The following RAD23B variants were observed in gnomAD, a reference collection of about 807,000 sequenced individuals.
RAD23B encodes the protein RAD23 nucleotide excision repair protein B, also known as lysine-specific demethylase RAD23B.
Under a neutral mutation model 49.1 loss-of-function variants are expected in RAD23B, and 5 were observed. The observed-to-expected ratio is 0.10, with a 90% confidence interval of 0.05 to 0.21. The LOEUF is 0.21. Among genes scored for constraint, RAD23B ranks in the 10% least tolerant of loss-of-function variants. RAD23B has a pLI of 1.00. For synonymous variants in RAD23B, 184 were observed against 165.4 expected, an observed-to-expected ratio of 1.11 and a Z score of -0.86; for missense variants, 356 against 486.7, an observed-to-expected ratio of 0.73 and a Z score of 2.53.
intron 1 of RAD23B, among the ~76,000 whole-genome samples, chr9:107,288,996 T>C (rs1269774770): frequency 6.6e-6 from 1 of 151,798 alleles, no homozygotes; most frequent in Admixed American, 6.6e-5. Context: ...AATCTTTGTT[T>C]CTTTGTCTCT....
At chr9:107,319,007 T>C (rs72738215) in intron 6 of RAD23B, 128 bp downstream of exon 6, 61,893 of 856,824 alleles carry the variant, frequency 0.072, 2,760 homozygotes, top group South Asian at 0.11. Context: ...CTTTTTTTTT[T>C]CTAGTATGTT....
rs1429072198 is a variant in RAD23B, at chr9:107,318,109, T to C, written c.554-643T>C. ...TTTTTCTATTGTACTCTGAAACATA[T>C]TATATGAGTTTCCTGTTGCTACTGT... On this transcript the variant is annotated intron_variant, in intron 5 of 9. Transcript: ENST00000358015. This position sits in a 1 kb window ranked among gnomAD's most constrained non-coding sequence, Gnocchi z 4.3. 1.3e-5 allele frequency among the ~76,000 whole-genome samples: 2 copies of C among 152,126 alleles called. No individual in the cohort carries two copies. The highest frequency in any genetic ancestry group is 2.1e-4 in the South Asian group (1 of 4,830).
At chr9:107,284,181 C>T (rs1208160076) in intron 1 of RAD23B, 8 of 986,518 alleles carry the variant, frequency 8.1e-6, no homozygotes, top group Non-Finnish European at 9.6e-6. Flanking sequence ...CCGTTTGCCG[C>T]CGAGAGGTGA....
chr9:107,298,116 TACAA>T (rs751956188), intron 1 of RAD23B, among the ~76,000 whole-genome samples: 4 of 152,196 alleles, frequency 2.6e-5, no homozygotes, highest in Non-Finnish European at 5.9e-5. Flanking sequence ...TTTGTCCCTC[TACAA>T]ACAAAGTTTG....
chr9:107,331,439 G>T lies in RAD23B; in HGVS notation c.*1783G>T, dbSNP rs1827304103. 4.9e-6 allele frequency: 2 copies of T among 409,832 alleles called. No homozygotes were observed. The allele number at this position is 409,832 out of a possible 1,614,324, so 25.4% of individuals were successfully genotyped here. A position where few individuals can be genotyped will look rare whatever the true frequency, so the allele number is the denominator to read the frequency against. On this transcript the variant is annotated 3_prime_UTR_variant, in exon 10 of 10. Coordinates refer to ENST00000358015, the MANE Select transcript of RAD23B (RefSeq NM_002874.5). ...AATTGCTTGAACCCGGGAAGTGAAG[G>T]TTGCCGTGAGCTGAGATCACACCAC... is the stretch of plus-strand genomic sequence containing the variant.
chr9:107,317,388 A>G (rs755781615), intron 5 of RAD23B, among the ~76,000 whole-genome samples: 30 of 152,290 alleles, frequency 2.0e-4, no homozygotes, highest in Admixed American at 3.3e-4. Context: ...ATTTGTTTAA[A>G]GAGAGCAGAC....
In RAD23B at chr9:107,318,831, G is replaced by T. The variant is rs781575960; in HGVS notation, c.633G>T (p.Leu211=). Residue 211 remains leucine (L), a synonymous_variant, in exon 6 of 10, where the codon CTG becomes CTT. Transcript: ENST00000358015. This position sits in a 1 kb window ranked among gnomAD's most constrained non-coding sequence, Gnocchi z 4.3. ...AACGAGAGCAAGTAATTGCAGCCCT[G>T]AGAGCCAGTTTCAACAACCCTGACA... ...GYEREQVIAA[L]RASFNNPDRA... is the part of the protein sequence containing the mutation. 2.4e-5 allele frequency: 38 copies of T among 1,613,554 alleles called. No individual in the cohort carries two copies. The highest frequency in any genetic ancestry group is 3.1e-5 in the Non-Finnish European group (37 of 1,179,670).
chr9:107,324,810 T>C (rs773402522), intron 8 of RAD23B, 24 bp from the exon 9 acceptor site: 1 of 1,560,448 alleles, frequency 6.4e-7, no homozygotes, highest in East Asian at 2.3e-5. Flanking sequence ...GTATTATTTT[T>C]CTCTGTCCTT....
intron 1 of RAD23B, among the ~76,000 whole-genome samples, chr9:107,298,637 A>C (rs1034820763): frequency 4.6e-5 from 7 of 151,306 alleles, no homozygotes; most frequent in African/African-American, 1.5e-4. Context: ...GACCCAATGT[A>C]CTTACATTTA....
In RAD23B at chr9:107,318,693, T is replaced by C; in HGVS notation, c.554-59T>C. 1 of 1,525,462 alleles carries C rather than the reference T, an allele frequency of 6.6e-7. No homozygotes were observed. The highest frequency in any genetic ancestry group is 1.4e-5 in the African/African-American group (1 of 72,782). 94.5% of individuals were successfully genotyped at this position (1,525,462 alleles called of 1,614,324 possible). On this transcript the variant is annotated intron_variant, in intron 5 of 9. Transcript: ENST00000358015. The surrounding 1 kb of genome is among the most constrained non-coding windows in gnomAD (Gnocchi z 4.3). ...TGTTGTATACATGAATCAATAAATGTATAGAGAATGCTTATTTATTAAATG... is the reference window on the plus strand; with the variant it reads ...TGTTGTATACATGAATCAATAAATGCATAGAGAATGCTTATTTATTAAATG...
intron 4 of RAD23B, among the ~76,000 whole-genome samples, chr9:107,308,311 C>T (rs574709348): frequency 9.2e-5 from 14 of 151,742 alleles, no homozygotes; most frequent in South Asian, 8.3e-4. Context: ...CTCCACCTCC[C>T]GGGTTCAAGC....
chr9:107,311,203 C>G (rs1032341190), intron 4 of RAD23B, among the ~76,000 whole-genome samples: 2 of 152,080 alleles, frequency 1.3e-5, no homozygotes, highest in African/African-American at 4.8e-5. Flanking sequence ...ATTTGAATAT[C>G]TTCTTTCAGT....
rs1827279487 is a variant in RAD23B at position 107,330,012 on chromosome 9, T to G, written c.*356T>G. On this transcript the variant is annotated 3_prime_UTR_variant, in exon 10 of 10. Coordinates refer to ENST00000358015, the MANE Select transcript of RAD23B (RefSeq NM_002874.5). This position sits in a 1 kb window ranked among gnomAD's most constrained non-coding sequence, Gnocchi z 4.4. ...TGCCCTGCTTTATATTTCTTTGACT[T>G]AACATTGGTTTCAGAAAGAATCTTA... The G allele has an allele frequency of 6.4e-6, 1 of 156,264 alleles. No individual in the cohort carries two copies. The highest frequency in any genetic ancestry group is 6.5e-5 in the Admixed American group (1 of 15,384). The allele number at this position is 156,264 out of a possible 1,614,324, so 9.7% of individuals were successfully genotyped here. A position where few individuals can be genotyped will look rare whatever the true frequency, so the allele number is the denominator to read the frequency against.
At position 107,330,504 on chromosome 9, in the gene RAD23B, A is replaced by G. The variant is rs137879048; in HGVS notation, c.*848A>G. ...TGTGAAATTAGCACTTTTGGGGCCA[A>G]TGGAGAAATGCAGCATTCACTCTCC... On this transcript the variant is annotated 3_prime_UTR_variant, in exon 10 of 10. Transcript: ENST00000358015. The surrounding 1 kb of genome is among the most constrained non-coding windows in gnomAD (Gnocchi z 4.4). The G allele has an allele frequency of 1.2e-4, 19 of 152,724 alleles. No homozygotes were observed. Among genetic ancestry groups the G allele is most frequent in the Admixed American group, 3.9e-4 (6 of 15,304 alleles). The allele number at this position is 152,724 out of a possible 1,614,324, so 9.5% of individuals were successfully genotyped here. A position where few individuals can be genotyped will look rare whatever the true frequency, so the allele number is the denominator to read the frequency against.
At chr9:107,316,283 T>A (rs567667251) in intron 5 of RAD23B, among the ~76,000 whole-genome samples, 1 of 152,318 alleles carries the variant, frequency 6.6e-6, no homozygotes, top group East Asian at 1.9e-4. Flanking sequence ...GTGCTGGGAT[T>A]ACAGGCGTGA....
chr9:107,302,939 A>T (rs1173300704), intron 3 of RAD23B, among the ~76,000 whole-genome samples: 3 of 152,172 alleles, frequency 2.0e-5, no homozygotes, highest in African/African-American at 7.2e-5. Context: ...TACAGGCGTG[A>T]GCCACCGCGC....
chr9:107,297,258 T>C (rs906305918), intron 1 of RAD23B, among the ~76,000 whole-genome samples: 3 of 152,212 alleles, frequency 2.0e-5, no homozygotes, highest in Non-Finnish European at 4.4e-5. Flanking sequence ...TTTTAGTGTT[T>C]AGTCTACAAT....
At chr9:107,283,741 G>A (rs1833207663) in intron 1 of RAD23B, 46 bp downstream of exon 1, 1 of 1,379,058 alleles carries the variant, frequency 7.3e-7, no homozygotes, top group East Asian at 3.3e-5. Context: ...GCGGGCCGCG[G>A]GGAGCGCCAG....
Position 107,331,554 on chromosome 9 carries a change from A to G in RAD23B, c.*1898A>G, listed in dbSNP as rs1827307171. The G allele has an allele frequency of 3.1e-6, 2 of 634,976 alleles. No homozygotes were observed. The highest frequency in any genetic ancestry group is 3.8e-5 in the South Asian group (2 of 52,168). The allele number at this position is 634,976 out of a possible 1,614,324, so 39.3% of individuals were successfully genotyped here. Reference sequence around the variant, plus strand: ...AATTTCTCAGGAGAATAAAATGAGAATTCATATATACGTTCATCTTTCAAG... The same window carrying G: ...AATTTCTCAGGAGAATAAAATGAGAGTTCATATATACGTTCATCTTTCAAG... On this transcript the variant is annotated 3_prime_UTR_variant, in exon 10 of 10. Coordinates refer to ENST00000358015, the MANE Select transcript of RAD23B (RefSeq NM_002874.5).
Sources: allele counts gnomAD v4.1 joint callset (sites outside exome capture counted in the v4.1 genomes callset), GRCh38; gene constraint gnomAD v4.1.1; non-coding constraint Gnocchi (gnomAD v3.1); transcripts MANE v1.5; gene names NCBI Gene and HGNC (gene_info 2026-07-23, HGNC 2026-07-21).